MYOCD: variants seen among roughly 807,000 people sequenced by gnomAD.
The protein encoded by MYOCD is myocardin.
MYOCD carries 32 observed loss-of-function variants against 96.1 expected under a neutral mutation model. The observed-to-expected ratio is 0.33, with a 90% CI of 0.25 to 0.45. MYOCD has a LOEUF of 0.45. Among genes scored for constraint, MYOCD ranks in the 20% least tolerant of loss-of-function variants. The pLI is 1.00. For synonymous variants in MYOCD, 469 were observed against 469.0 expected, an observed-to-expected ratio of 1.00 and a Z score of 0.00; for missense variants, 1,133 against 1,200.6, an observed-to-expected ratio of 0.94 and a Z score of 0.83.
intron 1 of MYOCD, among the ~76,000 whole-genome samples, chr17:12,669,456 A>G (rs982106974): frequency 1.3e-5 from 2 of 152,246 alleles, no homozygotes; most frequent in Non-Finnish European, 2.9e-5. Context: ...TGTTCAGTTT[A>G]GCAAATAAAA....
chr17:12,695,835 A>G (rs540497786), intron 1 of MYOCD, among the ~76,000 whole-genome samples: 2 of 152,132 alleles, frequency 1.3e-5, no homozygotes, highest in African/African-American at 2.4e-5. Flanking sequence ...GCATTAAACT[A>G]TAACCCCCCA....
At chr17:12,691,165 A>T (rs1407350901) in intron 1 of MYOCD, among the ~76,000 whole-genome samples, 1 of 152,290 alleles carries the variant, frequency 6.6e-6, no homozygotes, top group East Asian at 1.9e-4. Flanking sequence ...AATAGAAAAG[A>T]TCCATTTCTA....
chr17:12,712,642 G>A (rs8067769), intron 2 of MYOCD, among the ~76,000 whole-genome samples: 5,037 of 152,192 alleles, frequency 0.033, 255 homozygotes, highest in African/African-American at 0.11. Flanking sequence ...ATAGCTTTGG[G>A]GACAGAAATA....
chr17:12,691,583 G>T (rs1437757454), intron 1 of MYOCD, among the ~76,000 whole-genome samples: 1 of 152,158 alleles, frequency 6.6e-6, no homozygotes, highest in Non-Finnish European at 1.5e-5. Context: ...TGAGTTACTA[G>T]GGGGCAGGTA....
At chr17:12,716,718 T>G (rs1046834925) in intron 3 of MYOCD, among the ~76,000 whole-genome samples, 2 of 152,168 alleles carry the variant, frequency 1.3e-5, no homozygotes, top group Non-Finnish European at 2.9e-5. Context: ...CTGTGGCTCA[T>G]GGCTGTCCCA....
intron 3 of MYOCD, among the ~76,000 whole-genome samples, 179 bp from the exon 4 acceptor site, chr17:12,717,167 T>C (rs1271665842): frequency 6.6e-6 from 1 of 152,190 alleles, no homozygotes; most frequent in Non-Finnish European, 1.5e-5. Flanking sequence ...CTTCTTATCT[T>C]ATTTTCCCAT....
chr17:12,690,753 T>C (rs893164461), intron 1 of MYOCD, among the ~76,000 whole-genome samples: 1 of 152,216 alleles, frequency 6.6e-6, no homozygotes, highest in Non-Finnish European at 1.5e-5. Context: ...AATTTGTGTT[T>C]ATCAAGCCCC....
chr17:12,737,220 A>G (rs1191466809), intron 6 of MYOCD, among the ~76,000 whole-genome samples: 1 of 152,122 alleles, frequency 6.6e-6, no homozygotes, highest in Admixed American at 6.5e-5. Flanking sequence ...ATGCCACTGC[A>G]CTCCAGCCTG....
chr17:12,722,945 C>A lies in MYOCD; in HGVS notation c.352C>A (p.Pro118Thr). The A allele has an allele frequency of 6.2e-7, 1 of 1,614,000 alleles. No individual in the cohort carries two copies. The highest frequency in any genetic ancestry group is 8.5e-7 in the Non-Finnish European group (1 of 1,179,952). ...TGAAAAAATTGCTCTACGACCAGGGCCACTGGAGCTGGTGGAAAAAAACAT... is the reference window on the plus strand; with the variant it reads ...TGAAAAAATTGCTCTACGACCAGGGACACTGGAGCTGGTGGAAAAAAACAT... Reference protein sequence around the residue: ...LNEKIALRPGPLELVEKNILP... With the variant: ...LNEKIALRPGTLELVEKNILP... Residue 118 changes from proline to threonine, a missense_variant, in exon 5 of 14, where the codon CCA becomes ACA. Transcript: ENST00000425538.
chr17:12,680,961 G>A (rs111772631), intron 1 of MYOCD, among the ~76,000 whole-genome samples: 2,394 of 152,262 alleles, frequency 0.016, 72 homozygotes, highest in African/African-American at 0.054. Flanking sequence ...CCTGCTGCGT[G>A]TGCTAACTAA....
At chr17:12,688,408 T>TA (rs1435567850) in intron 1 of MYOCD, among the ~76,000 whole-genome samples, 5 of 152,218 alleles carry the variant, frequency 3.3e-5, no homozygotes, top group African/African-American at 9.6e-5. Context: ...ATCGTTTATG[T>TA]AAAAAAATGT....
intron 1 of MYOCD, among the ~76,000 whole-genome samples, chr17:12,695,472 G>C (rs57694456): frequency 0.024 from 3,684 of 152,234 alleles, 131 homozygotes; most frequent in East Asian, 0.12. Context: ...AGATAAATAT[G>C]TTTTCTCCTA....
chr17:12,670,592 A>G (rs1017272268), intron 1 of MYOCD, among the ~76,000 whole-genome samples: 5 of 152,184 alleles, frequency 3.3e-5, no homozygotes, highest in African/African-American at 1.2e-4. Context: ...CTAGTTTAGA[A>G]CAAATAATTT....
intron 10 of MYOCD, 78 bp downstream of exon 10, chr17:12,753,424 A>G: frequency 6.1e-6 from 8 of 1,307,070 alleles, no homozygotes; most frequent in Non-Finnish European, 8.4e-6. Flanking sequence ...CTAAAGAGCT[A>G]ATGTCAGAAT....
At chr17:12,683,361 C>A (rs758221564) in intron 1 of MYOCD, among the ~76,000 whole-genome samples, 1 of 152,136 alleles carries the variant, frequency 6.6e-6, no homozygotes, top group Non-Finnish European at 1.5e-5. Context: ...AAAAGGGAGG[C>A]ATCACCGGCT....
At chr17:12,709,568 G>A (rs1567581975) in intron 2 of MYOCD, among the ~76,000 whole-genome samples, 1 of 152,052 alleles carries the variant, frequency 6.6e-6, no homozygotes, top group Non-Finnish European at 1.5e-5. Context: ...TAATAAAATA[G>A]TCTCTCAAAG....
At chr17:12,691,565 C>A (rs549065351) in intron 1 of MYOCD, among the ~76,000 whole-genome samples, 2 of 152,220 alleles carry the variant, frequency 1.3e-5, no homozygotes, top group Non-Finnish European at 2.9e-5. Context: ...GCTGAGCATC[C>A]CTTATGTTGA....
chr17:12,708,135 G>C (rs1176271627), intron 2 of MYOCD, among the ~76,000 whole-genome samples: 1 of 152,044 alleles, frequency 6.6e-6, no homozygotes, highest in Non-Finnish European at 1.5e-5. Flanking sequence ...CCCAGTCCCT[G>C]TTTGTCTTTA....
chr17:12,764,713 C>CT lies in MYOCD; in HGVS notation c.*1072dup, dbSNP rs1472547459. The CT allele has an allele frequency of 6.6e-6, 1 of 152,218 alleles. No individual in the cohort carries two copies. Among genetic ancestry groups the CT allele is most frequent in the African/African-American group, 2.4e-5 (1 of 41,450 alleles). 9.4% of individuals were successfully genotyped at this position (152,218 alleles called of 1,614,324 possible). A position where few individuals can be genotyped will look rare whatever the true frequency, so the allele number is the denominator to read the frequency against. On this transcript the variant is annotated 3_prime_UTR_variant, in exon 14 of 14. Coordinates refer to ENST00000425538, the MANE Select transcript of MYOCD (RefSeq NM_001146312.3). ...CCACTTTTCCTTCAAGGTACCAATC[C>CT]TTTCCTGTTCCTCGTTTGGCCATCT... is the stretch of plus-strand genomic sequence containing the variant.
Sources: allele counts gnomAD v4.1 joint callset (sites outside exome capture counted in the v4.1 genomes callset), GRCh38; gene constraint gnomAD v4.1.1; transcripts MANE v1.5; gene names NCBI Gene and HGNC (gene_info 2026-07-23, HGNC 2026-07-21).